TAFA5: variants seen among roughly 807,000 people sequenced by gnomAD.
TAFA5 encodes chemokine-like protein TAFA-5.
Under a neutral mutation model 15.3 loss-of-function variants are expected in TAFA5, and 6 were observed. That is an observed-to-expected ratio of 0.39 (90% CI 0.21 to 0.77). TAFA5 has a LOEUF of 0.77. Ranked by LOEUF, TAFA5 falls within the 30% of genes least tolerant of loss-of-function variation. The pLI, the probability that TAFA5 is intolerant of heterozygous loss-of-function variation, is 0.41. For synonymous variants in TAFA5, 103 were observed against 80.7 expected, an observed-to-expected ratio of 1.28 and a Z score of -1.48; for missense variants, 161 against 193.1, an observed-to-expected ratio of 0.83 and a Z score of 0.98.
rs1331033867 is a variant in TAFA5 at position 48,560,245 on chromosome 22, G to A, written c.112+70541G>A. On this transcript the variant is annotated intron_variant, in intron 1 of 3. Transcript: ENST00000402357. The surrounding 1 kb of genome is among the most constrained non-coding windows in gnomAD (Gnocchi z 4.2). Reference sequence around the variant, plus strand: ...TGATGTGGCTGAGGCGTCTGTCCCTGTCGTGCGCCCAGGCTGGTGCCGTCA... The same window carrying A: ...TGATGTGGCTGAGGCGTCTGTCCCTATCGTGCGCCCAGGCTGGTGCCGTCA... Among the ~76,000 whole-genome samples the A allele has an allele frequency of 6.6e-6, 1 of 152,232 alleles. No homozygotes were observed. Among genetic ancestry groups the A allele is most frequent in the Non-Finnish European group, 1.5e-5 (1 of 68,042 alleles).
chr22:48,559,809 C>T (rs886602271), intron 1 of TAFA5, among the ~76,000 whole-genome samples: 3 of 152,080 alleles, frequency 2.0e-5, no homozygotes, highest in Admixed American at 6.5e-5. Context: ...CGGAGCGCGG[C>T]GGGGATGGAG....
intron 3 of TAFA5, among the ~76,000 whole-genome samples, chr22:48,743,831 T>C (rs959693456): frequency 1.3e-4 from 20 of 152,240 alleles, no homozygotes; most frequent in African/African-American, 4.8e-4. Context: ...GATGGATAAA[T>C]GTTTGACAGA....
chr22:48,606,010 A>G (rs1925180449), intron 1 of TAFA5, among the ~76,000 whole-genome samples: 1 of 152,146 alleles, frequency 6.6e-6, no homozygotes, highest in African/African-American at 2.4e-5. Context: ...GCAGTGGGAG[A>G]TGACTCAGCC....
intron 3 of TAFA5, among the ~76,000 whole-genome samples, chr22:48,737,620 GGGGAA>G (rs1371563535): frequency 5.1e-4 from 78 of 152,362 alleles, no homozygotes; most frequent in African/African-American, 1.7e-3. Context: ...CAGCACGGAA[GGGGAA>G]GGTTGGAAGT....
intron 3 of TAFA5, among the ~76,000 whole-genome samples, chr22:48,715,294 G>T (rs952956479): frequency 2.6e-5 from 4 of 152,246 alleles, no homozygotes; most frequent in African/African-American, 9.6e-5. Flanking sequence ...GTCACTCTGG[G>T]AGAGAAACAA....
intron 1 of TAFA5, among the ~76,000 whole-genome samples, chr22:48,513,085 C>T (rs1041916329): frequency 2.0e-5 from 3 of 152,096 alleles, no homozygotes; most frequent in Non-Finnish European, 4.4e-5. Flanking sequence ...CTCTGGGGTG[C>T]GTTTCTTCCC....
intron 3 of TAFA5, among the ~76,000 whole-genome samples, chr22:48,720,140 G>A (rs1929525891): frequency 6.6e-6 from 1 of 152,180 alleles, no homozygotes; most frequent in South Asian, 2.1e-4. Flanking sequence ...GGTCTGTCGC[G>A]AAACCCAGTG....
At chr22:48,587,962 C>T (rs564475295) in intron 1 of TAFA5, among the ~76,000 whole-genome samples, 2 of 152,320 alleles carry the variant, frequency 1.3e-5, no homozygotes, top group East Asian at 1.9e-4. Flanking sequence ...CCCAGCTAGG[C>T]GGGCTCCTTG....
intron 1 of TAFA5, among the ~76,000 whole-genome samples, chr22:48,611,346 T>A (rs1925403279): frequency 6.6e-6 from 1 of 152,220 alleles, no homozygotes; most frequent in African/African-American, 2.4e-5. Flanking sequence ...GCGTTGCCTT[T>A]CGTACACCCA....
chr22:48,717,775 C>T (rs958804361), intron 3 of TAFA5, among the ~76,000 whole-genome samples: 6 of 152,202 alleles, frequency 3.9e-5, no homozygotes, highest in African/African-American at 7.2e-5. Context: ...TTGGGCACAG[C>T]TTCTGAGGGG....
chr22:48,677,329 C>G (rs578252265), intron 2 of TAFA5, among the ~76,000 whole-genome samples: 1 of 152,398 alleles, frequency 6.6e-6, no homozygotes, highest in East Asian at 1.9e-4. Context: ...CACGCCTTGG[C>G]TCGGACGTCG....
intron 1 of TAFA5, among the ~76,000 whole-genome samples, chr22:48,495,823 C>T (rs1337190449): frequency 1.3e-5 from 2 of 152,232 alleles, no homozygotes; most frequent in Non-Finnish European, 2.9e-5. Context: ...ACCCTCTCCC[C>T]TGGCTCACCA....
At chr22:48,559,961 A>G (rs529281094) in intron 1 of TAFA5, among the ~76,000 whole-genome samples, 16 of 152,286 alleles carry the variant, frequency 1.1e-4, no homozygotes, top group Non-Finnish European at 1.6e-4. Context: ...GGAGGACCTG[A>G]GGCCAGAATG....
intron 2 of TAFA5, among the ~76,000 whole-genome samples, chr22:48,697,961 G>GTGGTGATGGTGAGTATGATGATGT (rs1928772495): frequency 1.3e-5 from 2 of 149,658 alleles, no homozygotes; most frequent in Admixed American, 1.3e-4. Context: ...GATGATGATG[G>GTGGTGATGGTGAGTATGATGATGT]TGATGATGGT....
Position 48,489,702 on chromosome 22 carries a change from G to A in TAFA5, c.110G>A (p.Cys37Tyr). The A allele has an allele frequency of 1.3e-6, 2 of 1,486,234 alleles. No individual in the cohort carries two copies. Among genetic ancestry groups the A allele is most frequent in the Admixed American group, 2.2e-5 (1 of 46,224 alleles). 92.1% of individuals were successfully genotyped at this position (1,486,234 alleles called of 1,614,324 possible). ...MILASLLIAY[C>Y]SQLAAGTCEI... ...CTGGCCAGCCTGCTCATCGCCTACTGCAGTGAGTACCGCGCGGCCCCGGCC... is the reference window on the plus strand; with the variant it reads ...CTGGCCAGCCTGCTCATCGCCTACTACAGTGAGTACCGCGCGGCCCCGGCC... The change falls in exon 1 of 4, where the codon TGC becomes TAC. Residue 37 changes from cysteine (C) to tyrosine (Y), a missense_variant and splice_region_variant. Transcript: ENST00000402357. This position sits in a 1 kb window ranked among gnomAD's most constrained non-coding sequence, Gnocchi z 5.5.
intron 1 of TAFA5, among the ~76,000 whole-genome samples, chr22:48,502,668 C>T (rs1004238006): frequency 2.6e-5 from 4 of 151,954 alleles, no homozygotes; most frequent in Admixed American, 6.6e-5. Flanking sequence ...ACTACAGGCG[C>T]CCGCCACCAC....
intron 1 of TAFA5, among the ~76,000 whole-genome samples, chr22:48,615,432 G>T (rs748755635): frequency 3.3e-5 from 5 of 152,186 alleles, no homozygotes; most frequent in Admixed American, 3.3e-4. Context: ...GGCCGAGGAC[G>T]CTCTGTCCGT....
intron 1 of TAFA5, among the ~76,000 whole-genome samples, chr22:48,591,567 G>A (rs920546362): frequency 1.3e-5 from 2 of 152,246 alleles, no homozygotes; most frequent in African/African-American, 4.8e-5. Flanking sequence ...GCAGGGAGTG[G>A]GCACTGACCG....
At chr22:48,492,489 T>C (rs901571332) in intron 1 of TAFA5, among the ~76,000 whole-genome samples, 2 of 152,202 alleles carry the variant, frequency 1.3e-5, no homozygotes, top group Admixed American at 1.3e-4. Flanking sequence ...CTACTGTTCT[T>C]GGCCCAGTGA....
Sources: allele counts gnomAD v4.1 joint callset (sites outside exome capture counted in the v4.1 genomes callset), GRCh38; gene constraint gnomAD v4.1.1; non-coding constraint Gnocchi (gnomAD v3.1); transcripts MANE v1.5; gene names NCBI Gene and HGNC (gene_info 2026-07-23, HGNC 2026-07-21).